Variants in MXRA7 observed in about 807,000 individuals in gnomAD.
MXRA7 encodes matrix remodeling associated 7, also known as matrix-remodeling-associated protein 7.
MXRA7 carries 18 observed loss-of-function variants against 17.4 expected under a neutral mutation model. That is an observed-to-expected ratio of 1.03 (90% CI 0.71 to 1.53). The LOEUF (loss-of-function observed/expected upper bound fraction) is 1.53. Ranked by LOEUF, MXRA7 falls within the 40% of genes most tolerant of loss-of-function variation. The pLI is 0.00. For synonymous variants in MXRA7, 70 were observed against 101.7 expected, an observed-to-expected ratio of 0.69 and a Z score of 1.87; for missense variants, 141 against 209.3, an observed-to-expected ratio of 0.67 and a Z score of 2.01.
chr17:76,684,473 C>T (rs1418684540), intron 3 of MXRA7, among the ~76,000 whole-genome samples: 1 of 152,160 alleles, frequency 6.6e-6, no homozygotes, highest in Non-Finnish European at 1.5e-5. Context: ...CCCAGCGCAC[C>T]CCTTCCCCGC....
intron 1 of MXRA7, chr17:76,689,028 G>A: frequency 6.0e-6 from 1 of 166,280 alleles, no homozygotes; most frequent in Non-Finnish European, 1.3e-5. Flanking sequence ...GTCGGAAGTG[G>A]CAAACCCAGA....
intron 1 of MXRA7, among the ~76,000 whole-genome samples, chr17:76,698,536 A>G (rs761064635): frequency 2.0e-5 from 3 of 152,034 alleles, no homozygotes; most frequent in Non-Finnish European, 4.4e-5. Context: ...TCCACTCTCT[A>G]AATCCGTATT....
intron 1 of MXRA7, among the ~76,000 whole-genome samples, chr17:76,703,472 T>C (rs1390822541): frequency 6.6e-6 from 1 of 151,816 alleles, no homozygotes; most frequent in Non-Finnish European, 1.5e-5. Flanking sequence ...ATACAAAACT[T>C]ATCCAGGCAT....
At chr17:76,701,360 G>A (rs528924143) in intron 1 of MXRA7, among the ~76,000 whole-genome samples, 5 of 152,082 alleles carry the variant, frequency 3.3e-5, no homozygotes, top group Admixed American at 6.5e-5. Context: ...TGAGCGTCGG[G>A]GGGGTGGATC....
At chr17:76,688,978 G>A in intron 1 of MXRA7, 1 of 198,350 alleles carries the variant, frequency 5.0e-6, no homozygotes, top group Non-Finnish European at 1.0e-5. Context: ...AAAACACTGA[G>A]CTGTGCCGGG....
intron 2 of MXRA7, 101 bp from the exon 3 acceptor site, chr17:76,685,266 G>A (rs2076376073): frequency 1.2e-6 from 1 of 814,406 alleles, no homozygotes; most frequent in Non-Finnish European, 2.1e-6. Flanking sequence ...ACCTCAAGCA[G>A]AGGCCACATC....
intron 2 of MXRA7, among the ~76,000 whole-genome samples, chr17:76,686,522 T>C (rs2076400059): frequency 6.6e-6 from 1 of 152,120 alleles, no homozygotes. Context: ...AATCCTGCCT[T>C]GGTCCCAGTC....
At chr17:76,685,707 G>A (rs2076386601) in intron 2 of MXRA7, among the ~76,000 whole-genome samples, 1 of 152,242 alleles carries the variant, frequency 6.6e-6, no homozygotes, top group Admixed American at 6.5e-5. Flanking sequence ...CAGTCCCCGA[G>A]GGGAGACCCC....
intron 2 of MXRA7, 133 bp from the exon 3 acceptor site, chr17:76,685,298 C>T: frequency 3.0e-6 from 2 of 674,110 alleles, no homozygotes; most frequent in South Asian, 1.7e-5. Flanking sequence ...GACATCTCAC[C>T]CCAGCGCCTA....
At chr17:76,674,356 TGATGAGAACAA>T (rs1567972484) in exon 4 of MXRA7, 1 of 152,200 alleles carries the variant, frequency 6.6e-6, no homozygotes, top group Non-Finnish European at 1.5e-5. Flanking sequence ...CTCTGTGAGC[TGATGAGAACAA>T]TCTCAGATGA....
intron 1 of MXRA7, among the ~76,000 whole-genome samples, chr17:76,697,138 G>A (rs1246314488): frequency 1.3e-5 from 2 of 152,096 alleles, no homozygotes; most frequent in Non-Finnish European, 2.9e-5. Context: ...CCTTTAAAGA[G>A]GTGATTAAGT....
chr17:76,673,955 C>G (rs2076221325), exon 4 of MXRA7: 1 of 152,288 alleles, frequency 6.6e-6, no homozygotes, highest in Non-Finnish European at 1.5e-5. Context: ...GTAAACAGAA[C>G]TGCAGATACT....
At chr17:76,674,451 T>C (rs2898621) in exon 4 of MXRA7, 134,942 of 152,212 alleles carry the variant, frequency 0.89, 60,256 homozygotes, top group East Asian at 1. Context: ...CCACAGCAAA[T>C]CAGCAGTGTT....
intron 3 of MXRA7, among the ~76,000 whole-genome samples, chr17:76,684,355 C>A (rs538886827): frequency 7.5e-4 from 114 of 152,230 alleles, no homozygotes; most frequent in African/African-American, 2.5e-3. Context: ...CCAAAGGACT[C>A]CAGGCCACGC....
chr17:76,672,910 G>A (rs1043026604), exon 4 of MXRA7: 1 of 152,174 alleles, frequency 6.6e-6, no homozygotes, highest in Non-Finnish European at 1.5e-5. Flanking sequence ...ATAGTAAAAA[G>A]AATCTGTGGC....
chr17:76,687,078 T>C (rs1375373899), intron 2 of MXRA7, among the ~76,000 whole-genome samples: 1 of 152,192 alleles, frequency 6.6e-6, no homozygotes, highest in African/African-American at 2.4e-5. Context: ...CTGCATCCCT[T>C]CAGCTGTCTC....
At chr17:76,683,803 A>G (rs1445714168) in intron 3 of MXRA7, 2 of 1,475,072 alleles carry the variant, frequency 1.4e-6, no homozygotes, top group Non-Finnish European at 1.9e-6. Flanking sequence ...GTTAGCACGC[A>G]GTAGAAGGGG....
chr17:76,687,013 C>G (rs1010191070), intron 2 of MXRA7, among the ~76,000 whole-genome samples: 10 of 152,218 alleles, frequency 6.6e-5, no homozygotes, highest in Non-Finnish European at 1.3e-4. Flanking sequence ...GAGCCTCTCT[C>G]CTTGTCCTTG....
At chr17:76,695,353 G>GGTGTGTGTGTGTGTGTGT (rs71158054) in intron 1 of MXRA7, among the ~76,000 whole-genome samples, 64 of 148,100 alleles carry the variant, frequency 4.3e-4, no homozygotes, top group African/African-American at 1.4e-3. Context: ...TTTAGCTTCA[G>GGTGTGTGTGTGTGTGTGT]GTGTGTGTGT....
Sources: gnomAD v4.1 joint callset for allele counts (sites outside exome capture counted in the v4.1 genomes callset) on GRCh38, gnomAD v4.1.1 for gene constraint, MANE v1.5 for transcripts, NCBI Gene and HGNC (gene_info 2026-07-23, HGNC 2026-07-21) for gene names.